PGAP4: variants seen among roughly 807,000 people sequenced by gnomAD.
PGAP4 encodes the protein GPI-N-acetylgalactosamine transferase PGAP4.
A neutral mutation model predicts 28.2 loss-of-function variants in PGAP4; 12 were observed. The ratio of observed to expected loss-of-function variants is 0.42; its 90% CI spans 0.27 to 0.69. The LOEUF is 0.69. PGAP4 is among the 30% of genes least tolerant of loss of function. The probability of loss-of-function intolerance (pLI) is 0.22; values close to 1 mark genes in which losing one functional copy is unlikely to be tolerated. For missense variants in PGAP4, 425 were observed against 513.5 expected, an observed-to-expected ratio of 0.83 and a Z score of 1.67; for synonymous variants, 205 against 211.8, an observed-to-expected ratio of 0.97 and a Z score of 0.28.
intron 2 of PGAP4, among the ~76,000 whole-genome samples, chr9:101,495,985 C>T (rs1019281535): frequency 2.6e-5 from 4 of 151,194 alleles, no homozygotes; most frequent in Non-Finnish European, 5.9e-5. Context: ...GTTCAGACTC[C>T]AGAAAAGTGA....
At chr9:101,516,368 G>C (rs112516023) in intron 2 of PGAP4, among the ~76,000 whole-genome samples, 71 of 152,262 alleles carry the variant, frequency 4.7e-4, no homozygotes, top group Non-Finnish European at 9.1e-4. Context: ...AGCTTCACCA[G>C]ATAGTTTAAC....
chr9:101,514,457 T>A (rs1464272272), intron 2 of PGAP4, among the ~76,000 whole-genome samples: 2 of 152,310 alleles, frequency 1.3e-5, no homozygotes, highest in South Asian at 4.1e-4. Context: ...ATTTTATAAG[T>A]CAGATTAAAC....
chr9:101,508,091 T>C (rs1826863592), intron 2 of PGAP4, among the ~76,000 whole-genome samples: 1 of 151,876 alleles, frequency 6.6e-6, no homozygotes, highest in Non-Finnish European at 1.5e-5. Context: ...CCATCTTGAT[T>C]TACAGGACAT....
chr9:101,530,118 A>G (rs1827074564), intron 2 of PGAP4, among the ~76,000 whole-genome samples: 1 of 152,258 alleles, frequency 6.6e-6, no homozygotes, highest in African/African-American at 2.4e-5. Flanking sequence ...GTAGAAAAAA[A>G]CAATAAACAA....
At position 101,475,786 on chromosome 9, in the gene PGAP4, CA is replaced by C; in HGVS notation, c.*94del. ...TGCCTATATCTCTAACAACAGTAAA[CA>C]GTGAAATACCTGCAGGCAACCATGT... On this transcript the variant is annotated 3_prime_UTR_variant, in exon 2 of 2. Coordinates refer to ENST00000374848, the MANE Select transcript of PGAP4 (RefSeq NM_032342.3). The C allele has an allele frequency of 7.5e-7, 1 of 1,326,368 alleles. No homozygotes were observed. Among genetic ancestry groups the C allele is most frequent in the Non-Finnish European group, 1.1e-6 (1 of 952,182 alleles). 82.2% of individuals were successfully genotyped at this position (1,326,368 alleles called of 1,614,324 possible). A position where few individuals can be genotyped will look rare whatever the true frequency, so the allele number is the denominator to read the frequency against.
At position 101,476,175 on chromosome 9, in the gene PGAP4, C is replaced by T. The variant is rs1390890429; in HGVS notation, c.918G>A (p.Glu306=). ...CCAGGAAATAGTGCCGACCCACCAG[C>T]TCCACCAGACCCATGCTATACAGGG... ...FFSLYSMGLV[E]LVGRHYFLEL... is the part of the protein sequence containing the mutation. The change falls in exon 2 of 2, where the codon GAG becomes GAA. Residue 306 remains glutamate (E), a synonymous_variant. Coordinates refer to ENST00000374848, the MANE Select transcript of PGAP4 (RefSeq NM_032342.3). This position sits in a 1 kb window ranked among gnomAD's most constrained non-coding sequence, Gnocchi z 7.0. The T allele has an allele frequency of 6.2e-7, 1 of 1,614,190 alleles. No homozygotes were observed. Among genetic ancestry groups the T allele is most frequent in the Non-Finnish European group, 8.5e-7 (1 of 1,180,036 alleles).
chr9:101,476,283 C>T lies in PGAP4; in HGVS notation c.810G>A (p.Met270Ile). 4 of 1,614,132 alleles carry T rather than the reference C, an allele frequency of 2.5e-6. No homozygotes were observed. Among genetic ancestry groups the T allele is most frequent in the Non-Finnish European group, 3.4e-6 (4 of 1,180,032 alleles). ...MRILEWVGVG[M>I]LLGPLLTWIY... ...TCCAGGTTAGTAAGGGCCCCAGCAA[C>T]ATGCCTACACCAACCCATTCCAGGA... The change falls in exon 2 of 2, where the codon ATG becomes ATA. Residue 270 changes from methionine (M) to isoleucine (I), a missense_variant. Transcript: ENST00000374848. The surrounding 1 kb of genome is among the most constrained non-coding windows in gnomAD (Gnocchi z 7.0).
chr9:101,479,545 C>T (rs1384692080), intron 1 of PGAP4, among the ~76,000 whole-genome samples: 1 of 152,162 alleles, frequency 6.6e-6, no homozygotes, highest in Non-Finnish European at 1.5e-5. Flanking sequence ...GGAATTTATC[C>T]TACTGGGGAC....
upstream of PGAP4, chr9:101,487,199 G>A (rs772415307): frequency 1.3e-5 from 2 of 152,246 alleles, no homozygotes; most frequent in Non-Finnish European, 2.9e-5. Context: ...GCGGCTTGGG[G>A]AAAAAGGACG....
chr9:101,502,573 C>G (rs372407175), intron 2 of PGAP4, among the ~76,000 whole-genome samples: 1 of 152,010 alleles, frequency 6.6e-6, no homozygotes, highest in African/African-American at 2.4e-5. Context: ...TACCAAAAAT[C>G]TGATCTTATA....
rs1249465663 is a variant in PGAP4 at position 101,486,139 on chromosome 9, G to A, written c.-78+810C>T. ...AGCGCAGTGCGACACTAGCGACGCCGGAGCCAAGGGCCAGAAAGAGGGCGA... is the reference window on the plus strand; with the variant it reads ...AGCGCAGTGCGACACTAGCGACGCCAGAGCCAAGGGCCAGAAAGAGGGCGA... On this transcript the variant is annotated intron_variant, in intron 1 of 1. Coordinates refer to ENST00000374848, the MANE Select transcript of PGAP4 (RefSeq NM_032342.3). The surrounding 1 kb of genome is among the most constrained non-coding windows in gnomAD (Gnocchi z 4.7). Among the ~76,000 whole-genome samples the A allele has an allele frequency of 1.3e-5, 2 of 152,168 alleles. No homozygotes were observed. Among genetic ancestry groups the A allele is most frequent in the Admixed American group, 6.5e-5 (1 of 15,280 alleles).
intron 2 of PGAP4, among the ~76,000 whole-genome samples, chr9:101,511,029 C>T (rs1029912871): frequency 2.6e-5 from 4 of 152,182 alleles, no homozygotes; most frequent in Non-Finnish European, 5.9e-5. Flanking sequence ...TTTGCAGCTG[C>T]TCCCTAGCGC....
intron 2 of PGAP4, among the ~76,000 whole-genome samples, chr9:101,527,313 C>A (rs1047362087): frequency 6.6e-6 from 1 of 152,200 alleles, no homozygotes; most frequent in African/African-American, 2.4e-5. Context: ...AGATTCCGAA[C>A]ATTTGTGGAT....
At chr9:101,487,612 T>C (rs979933201), upstream of PGAP4, among the ~76,000 whole-genome samples, 5 of 152,198 alleles carry the variant, frequency 3.3e-5, no homozygotes, top group East Asian at 1.9e-4. Context: ...ACATTCCACC[T>C]TGGACTTTCC....
In PGAP4 at chr9:101,495,093, T is replaced by C. The variant is rs865943271; in HGVS notation, c.-164-5893A>G. Among the ~76,000 whole-genome samples, 7 of 136,314 alleles carry C rather than the reference T, an allele frequency of 5.1e-5. No homozygotes were observed. The South Asian group carries it at 1.6e-3, about 30-fold the overall frequency. The allele number at this position is 136,314 out of a possible 152,430, so 89.4% of individuals were successfully genotyped here. A position where few individuals can be genotyped will look rare whatever the true frequency, so the allele number is the denominator to read the frequency against. On this transcript the variant is annotated intron_variant, in intron 2 of 3. Transcript: ENST00000374851. ...TACTACCATTTATTATTTGACAATG[T>C]CTTTTCTGCAATTTATCAAGTGCCT...
intron 1 of PGAP4, among the ~76,000 whole-genome samples, chr9:101,483,677 G>GTATCTATAT (rs1298249112): frequency 1.3e-5 from 2 of 151,750 alleles, no homozygotes; most frequent in African/African-American, 4.8e-5. Context: ...ATCCATATCT[G>GTATCTATAT]TATCTATATT....
intron 2 of PGAP4, among the ~76,000 whole-genome samples, chr9:101,506,648 G>T (rs949457140): frequency 6.6e-6 from 1 of 151,992 alleles, no homozygotes; most frequent in African/African-American, 2.4e-5. Flanking sequence ...TGACTTAACC[G>T]AGAAACTCAG....
chr9:101,494,908 C>A (rs1449327125), intron 2 of PGAP4, among the ~76,000 whole-genome samples: 1 of 150,388 alleles, frequency 6.6e-6, no homozygotes, highest in Non-Finnish European at 1.5e-5. Flanking sequence ...TATATTTTTT[C>A]AATTAGTTAC....
chr9:101,531,215 C>T (rs12002965), intron 2 of PGAP4: 10 of 148,832 alleles, frequency 6.7e-5, no homozygotes, highest in Non-Finnish European at 1.5e-4. Context: ...CACACACACA[C>T]ACACACACAC....
Sources: allele counts gnomAD v4.1 joint callset (sites outside exome capture counted in the v4.1 genomes callset), GRCh38; gene constraint gnomAD v4.1.1; non-coding constraint Gnocchi (gnomAD v3.1); transcripts MANE v1.5; gene names NCBI Gene and HGNC (gene_info 2026-07-23, HGNC 2026-07-21).